Variants in FLI1 observed in about 807,000 individuals in gnomAD.
FLI1 encodes the protein Fli-1 proto-oncogene, ETS transcription factor.
A neutral mutation model predicts 53.1 loss-of-function variants in FLI1; 13 were observed. The observed-to-expected ratio is 0.24, with a 90% CI of 0.16 to 0.39. The LOEUF (loss-of-function observed/expected upper bound fraction) is 0.39, where lower values mean the gene tolerates loss of function less well. Among genes scored for constraint, FLI1 ranks in the 10% least tolerant of loss-of-function variants. FLI1 has a pLI of 1.00. For missense variants in FLI1, 424 were observed against 600.5 expected (o/e 0.71, Z 3.07); for synonymous variants, 244 against 236.7 (o/e 1.03, Z -0.28).
upstream of FLI1, chr11:128,686,481 A>G (rs1865805391): frequency 2.2e-6 from 1 of 455,718 alleles, no homozygotes; most frequent in South Asian, 1.5e-5. Context: ...TCAACACCCA[A>G]CCACTCGGAC....
chr11:128,757,183 T>C (rs1940926845), intron 1 of FLI1, among the ~76,000 whole-genome samples: 1 of 151,600 alleles, frequency 6.6e-6, no homozygotes, highest in East Asian at 1.9e-4. Flanking sequence ...CTGGACTCAA[T>C]AGATTCTCCC....
chr11:128,809,118 T>G, intron 7 of FLI1, 39 bp from the exon 8 acceptor site: 1 of 1,585,946 alleles, frequency 6.3e-7, no homozygotes, highest in Admixed American at 1.7e-5. Flanking sequence ...TCATATTTTT[T>G]AAAAACACTG....
intron 2 of FLI1, among the ~76,000 whole-genome samples, chr11:128,765,937 A>G (rs1305995883): frequency 6.6e-6 from 1 of 152,080 alleles, no homozygotes; most frequent in Non-Finnish European, 1.5e-5. Flanking sequence ...TGTGTGTTCC[A>G]TGTTGGAATG....
chr11:128,751,248 G>A (rs754733633), intron 1 of FLI1, among the ~76,000 whole-genome samples: 3 of 152,084 alleles, frequency 2.0e-5, no homozygotes, highest in Admixed American at 6.6e-5. Flanking sequence ...ATCAACATTC[G>A]GAGAAGTAGG....
intron 5 of FLI1, among the ~76,000 whole-genome samples, chr11:128,784,244 C>A (rs1591810612): frequency 1.3e-5 from 1 of 79,258 alleles, no homozygotes; most frequent in Admixed American, 1.8e-4. Context: ...TCCTCCTCCT[C>A]CTCCTCCTCC....
chr11:128,748,054 C>G (rs1341071007), intron 1 of FLI1, among the ~76,000 whole-genome samples: 1 of 152,200 alleles, frequency 6.6e-6, no homozygotes, highest in East Asian at 1.9e-4. Flanking sequence ...AGACCTGGAG[C>G]AGCACTGAAC....
chr11:128,796,713 G>A (rs778715615), intron 5 of FLI1, among the ~76,000 whole-genome samples: 3 of 152,200 alleles, frequency 2.0e-5, no homozygotes, highest in African/African-American at 7.2e-5. Context: ...GGTGGCTCAC[G>A]CCTGTAATCC....
intron 1 of FLI1, among the ~76,000 whole-genome samples, chr11:128,740,605 G>T (rs988715568): frequency 1.3e-5 from 2 of 152,200 alleles, no homozygotes; most frequent in Non-Finnish European, 2.9e-5. Context: ...AAATAAGTAG[G>T]AGGGTTAGTC....
chr11:128,735,101 T>C (rs1939865784), intron 1 of FLI1, among the ~76,000 whole-genome samples: 1 of 152,234 alleles, frequency 6.6e-6, no homozygotes, highest in African/African-American at 2.4e-5. Context: ...AGGGGAATAA[T>C]CCTGCCTTCT....
At chr11:128,770,609 GTAA>G (rs1724287577) in intron 3 of FLI1, among the ~76,000 whole-genome samples, 2 of 152,258 alleles carry the variant, frequency 1.3e-5, no homozygotes, top group East Asian at 3.9e-4. Flanking sequence ...TAGAGGGAGA[GTAA>G]TAATATTGTT....
chr11:128,786,145 C>A (rs1367543638), intron 5 of FLI1, among the ~76,000 whole-genome samples: 2 of 152,148 alleles, frequency 1.3e-5, no homozygotes, highest in African/African-American at 4.8e-5. Flanking sequence ...CCGGGTTATT[C>A]ATATAAGCCA....
intron 1 of FLI1, among the ~76,000 whole-genome samples, chr11:128,718,312 GT>G (rs1939106569): frequency 6.6e-6 from 1 of 152,244 alleles, no homozygotes; most frequent in African/African-American, 2.4e-5. Context: ...CACTAGATGT[GT>G]GTGGTCTGAG....
chr11:128,756,725 A>G (rs1445341834), intron 1 of FLI1, among the ~76,000 whole-genome samples: 1 of 152,184 alleles, frequency 6.6e-6, no homozygotes, highest in East Asian at 1.9e-4. Flanking sequence ...GATGACTACC[A>G]TCTTCTCTGA....
chr11:128,800,162 T>A (rs549188288), intron 5 of FLI1, among the ~76,000 whole-genome samples: 2 of 152,156 alleles, frequency 1.3e-5, no homozygotes, highest in Non-Finnish European at 1.5e-5. Flanking sequence ...GGCTACCAAA[T>A]CCCCCTGCTC....
chr11:128,742,483 G>C (rs1179930991), intron 1 of FLI1, among the ~76,000 whole-genome samples: 1 of 152,148 alleles, frequency 6.6e-6, no homozygotes, highest in East Asian at 1.9e-4. Flanking sequence ...ACATAGTCTG[G>C]TCACCAAACA....
upstream of FLI1, among the ~76,000 whole-genome samples, chr11:128,690,385 G>T (rs1937688126): frequency 6.6e-6 from 1 of 152,174 alleles, no homozygotes; most frequent in Non-Finnish European, 1.5e-5. Context: ...GGAGTTTCAA[G>T]TGACGGAGCC....
chr11:128,804,324 TTTG>T (rs762886204), intron 5 of FLI1: 1 of 152,260 alleles, frequency 6.6e-6, no homozygotes, highest in Non-Finnish European at 1.5e-5. Context: ...TTATGGTTTC[TTTG>T]TTGTTCATGG....
chr11:128,757,288 C>T (rs571743041), intron 1 of FLI1, among the ~76,000 whole-genome samples: 1 of 152,136 alleles, frequency 6.6e-6, no homozygotes, highest in Admixed American at 6.6e-5. Flanking sequence ...AAGTCACACC[C>T]AAGTCAGTGA....
At chr11:128,688,660 G>T (rs1458595534) in intron 1 of FLI1, among the ~76,000 whole-genome samples, 1 of 152,166 alleles carries the variant, frequency 6.6e-6, no homozygotes, top group Non-Finnish European at 1.5e-5. Flanking sequence ...ACAGTGGTCT[G>T]GGCTCTGAGG....
Sources: allele counts gnomAD v4.1 joint callset (sites outside exome capture counted in the v4.1 genomes callset), GRCh38; gene constraint gnomAD v4.1.1; transcripts MANE v1.5; gene names NCBI Gene and HGNC (gene_info 2026-07-23, HGNC 2026-07-21).